BMP2K: variants seen among roughly 807,000 people sequenced by gnomAD.
BMP2K encodes BMP-2-inducible protein kinase.
BMP2K carries 74 observed loss-of-function variants against 116.0 expected under a neutral mutation model. The observed-to-expected ratio is 0.64, with a 90% CI of 0.53 to 0.77. The LOEUF is 0.77. BMP2K is among the 30% of genes least tolerant of loss of function. The pLI, the probability that BMP2K is intolerant of heterozygous loss-of-function variation, is 0.00. For missense variants in BMP2K, 1,365 were observed against 1,403.6 expected, an observed-to-expected ratio of 0.97 and a Z score of 0.44; for synonymous variants, 486 against 502.5, an observed-to-expected ratio of 0.97 and a Z score of 0.44.
chr4:78,806,840 C>CTT (rs1038770824), intron 1 of BMP2K, among the ~76,000 whole-genome samples: 2,687 of 128,260 alleles, frequency 0.021, 83 homozygotes, highest in African/African-American at 0.071. Flanking sequence ...CTTATCTTTT[C>CTT]TTTTTTTTTT....
chr4:78,869,131 A>G (rs1732208919), intron 10 of BMP2K, among the ~76,000 whole-genome samples: 1 of 152,114 alleles, frequency 6.6e-6, no homozygotes, highest in Non-Finnish European at 1.5e-5. Flanking sequence ...ATATCCAGGC[A>G]TTTCCATGTA....
At chr4:78,879,470 C>A in intron 14 of BMP2K, 1 of 954,290 alleles carries the variant, frequency 1.0e-6, no homozygotes, top group Non-Finnish European at 1.2e-6. Context: ...GGAATCATTG[C>A]TTTTCTTTGA....
At chr4:78,890,184 A>G (rs1167186869) in intron 15 of BMP2K, among the ~76,000 whole-genome samples, 2 of 151,414 alleles carry the variant, frequency 1.3e-5, no homozygotes, top group Non-Finnish European at 3.0e-5. Context: ...AAAAAAAAAA[A>G]TCACTTCCTT....
intron 12 of BMP2K, 126 bp from the exon 13 acceptor site, chr4:78,872,488 A>T: frequency 1.2e-6 from 1 of 804,822 alleles, no homozygotes; most frequent in Non-Finnish European, 1.9e-6. Flanking sequence ...GCTTCTGTAG[A>T]TGATTGTTTT....
chr4:78,837,168 T>C (rs1258749570), intron 3 of BMP2K, among the ~76,000 whole-genome samples: 3 of 151,998 alleles, frequency 2.0e-5, no homozygotes, highest in African/African-American at 7.2e-5. Context: ...ATTTCTATTA[T>C]ATTATTTTTA....
intron 14 of BMP2K, among the ~76,000 whole-genome samples, chr4:78,886,138 G>C (rs1327372379): frequency 1.3e-5 from 2 of 152,216 alleles, no homozygotes; most frequent in South Asian, 2.1e-4. Context: ...TGGGATTATA[G>C]GTGTGAGCCC....
chr4:78,853,569 C>T (rs1341126380), intron 7 of BMP2K, among the ~76,000 whole-genome samples: 2 of 152,114 alleles, frequency 1.3e-5, no homozygotes, highest in Non-Finnish European at 2.9e-5. Context: ...GAAGAATGTA[C>T]TGAAAGCTGG....
intron 1 of BMP2K, among the ~76,000 whole-genome samples, chr4:78,811,653 A>T (rs139354341): frequency 6.1e-4 from 93 of 152,348 alleles, no homozygotes; most frequent in African/African-American, 2.0e-3. Context: ...TTTTAGCTAA[A>T]TGTACAAACA....
chr4:78,865,324 G>A (rs545169989), intron 9 of BMP2K, among the ~76,000 whole-genome samples: 1 of 152,100 alleles, frequency 6.6e-6, no homozygotes, highest in Non-Finnish European at 1.5e-5. Context: ...GCTGGTTTCA[G>A]TAGGAGATTA....
intron 15 of BMP2K, chr4:78,906,065 T>C (rs1734267833): frequency 6.6e-6 from 1 of 152,126 alleles, no homozygotes; most frequent in African/African-American, 2.4e-5. Flanking sequence ...AGTTTCATGA[T>C]GAATAGATGA....
chr4:78,862,927 A>G (rs1158386555), intron 9 of BMP2K, among the ~76,000 whole-genome samples: 1 of 152,090 alleles, frequency 6.6e-6, no homozygotes, highest in African/African-American at 2.4e-5. Flanking sequence ...TTAATTATGA[A>G]TTATTGTAGG....
rs765655218 is a variant in BMP2K, at chr4:78,910,718, G to C, written c.2171G>C (p.Gly724Ala). The C allele has an allele frequency of 3.1e-6, 5 of 1,613,512 alleles. No homozygotes were observed. The South Asian group carries it at 4.4e-5, about 14-fold the overall frequency. Residue 724 changes from glycine to alanine, a missense_variant, in exon 16 of 16, where the codon GGA (glycine) becomes GCA (alanine). Around this residue, in one of 3 missense-constraint regions of BMP2K, gnomAD observed 596 missense variants for 623.2 expected, o/e 0.96. Transcript: ENST00000502613. Reference protein sequence around the residue: ...TSPASKDQRTGKKTSVQGQVQ... With the variant: ...TSPASKDQRTAKKTSVQGQVQ... Reference sequence around the variant, plus strand: ...CCAGCATCTAAAGATCAGCGGACTGGAAAGAAAACCTCAGTACAGGGTCAA... The same window carrying C: ...CCAGCATCTAAAGATCAGCGGACTGCAAAGAAAACCTCAGTACAGGGTCAA...
chr4:78,889,031 C>G (rs1733268863), intron 15 of BMP2K, among the ~76,000 whole-genome samples: 1 of 152,082 alleles, frequency 6.6e-6, no homozygotes, highest in Non-Finnish European at 1.5e-5. Context: ...ACCATCCTGG[C>G]TAACACGGTG....
intron 4 of BMP2K, 147 bp downstream of exon 4, chr4:78,842,674 A>G (rs1435485451): frequency 4.3e-6 from 3 of 694,558 alleles, no homozygotes; most frequent in Admixed American, 3.7e-5. Context: ...GTAAAGAATG[A>G]CTGTAGCTTT....
intron 15 of BMP2K, among the ~76,000 whole-genome samples, chr4:78,906,426 AT>A (rs1438080488): frequency 6.6e-6 from 1 of 152,136 alleles, no homozygotes; most frequent in Non-Finnish European, 1.5e-5. Flanking sequence ...TGCCCGTACT[AT>A]TTGCAGATGT....
chr4:78,822,785 C>T (rs1560515444), intron 1 of BMP2K, among the ~76,000 whole-genome samples: 1 of 151,966 alleles, frequency 6.6e-6, no homozygotes, highest in Non-Finnish European at 1.5e-5. Context: ...ATAATATAGT[C>T]AAATTCTAGA....
intron 15 of BMP2K, among the ~76,000 whole-genome samples, chr4:78,909,055 C>CTTTTTTT (rs1053664659): frequency 7.1e-4 from 67 of 94,408 alleles, no homozygotes; most frequent in Non-Finnish European, 8.5e-4. Context: ...TTCCCTTAGT[C>CTTTTTTT]TTTTTTTTTT....
At chr4:78,908,612 A>T (rs888932631) in intron 15 of BMP2K, among the ~76,000 whole-genome samples, 1 of 152,176 alleles carries the variant, frequency 6.6e-6, no homozygotes, top group East Asian at 1.9e-4. Flanking sequence ...TTCAGCCAAA[A>T]ACTAACCATT....
Position 78,851,563 on chromosome 4 carries a change from ATTTCTG to A in BMP2K, c.883+508_883+513del, listed in dbSNP as rs1396585664. On this transcript the variant is annotated intron_variant, in intron 7 of 15. Transcript: ENST00000502613. ...TAGCATTAAGTGTGTTGTGTCTAGC[ATTTCTG>A]CTTTGTTTTCTGCATTCAAGTACCC... Among the ~76,000 whole-genome samples, 6 of 152,216 alleles carry A rather than the reference ATTTCTG, an allele frequency of 3.9e-5. No individual in the cohort carries two copies. The East Asian group carries it at 9.7e-4, about 24-fold the overall frequency.
Sources: allele counts gnomAD v4.1 joint callset (sites outside exome capture counted in the v4.1 genomes callset), GRCh38; gene constraint gnomAD v4.1.1; regional missense constraint gnomAD v4.1.1; transcripts MANE v1.5; gene names NCBI Gene and HGNC (gene_info 2026-07-23, HGNC 2026-07-21).